Variants in MECOM observed in about 807,000 individuals in gnomAD.
MECOM encodes histone-lysine N-methyltransferase MECOM.
A neutral mutation model predicts 116.3 loss-of-function variants in MECOM; 13 were observed. The ratio of observed to expected loss-of-function variants is 0.11; its 90% confidence interval spans 0.07 to 0.18. MECOM has a LOEUF of 0.18. Among genes scored for constraint, MECOM ranks in the 10% least tolerant of loss-of-function variants. The pLI is 1.00. For missense variants in MECOM, 1,299 were observed against 1,509.0 expected, an observed-to-expected ratio of 0.86 and a Z score of 2.31; for synonymous variants, 528 against 535.2, an observed-to-expected ratio of 0.99 and a Z score of 0.19.
At chr3:169,441,740 TTTTTAAAAAA>T (rs1743723893) in intron 1 of MECOM, among the ~76,000 whole-genome samples, 1 of 143,954 alleles carries the variant, frequency 6.9e-6, no homozygotes, top group Admixed American at 7.0e-5. Context: ...TTTTTTTTTT[TTTTTAAAAAA>T]GGGGGGGTCT....
chr3:169,499,011 G>A (rs570908062), intron 1 of MECOM, among the ~76,000 whole-genome samples: 4 of 151,914 alleles, frequency 2.6e-5, no homozygotes, highest in Admixed American at 6.6e-5. Flanking sequence ...TTAATTTTAC[G>A]AAGAAACAAT....
At chr3:169,486,238 A>T (rs1752372354) in intron 1 of MECOM, among the ~76,000 whole-genome samples, 1 of 151,760 alleles carries the variant, frequency 6.6e-6, no homozygotes, top group South Asian at 2.1e-4. Flanking sequence ...CACAATGCCT[A>T]AGTTGAGTCT....
At position 169,100,880 on chromosome 3, in the gene MECOM, C is replaced by T. The variant is rs1309634903; in HGVS notation, c.2849+5G>A. On this transcript the variant is annotated splice_donor_5th_base_variant and intron_variant, in intron 12 of 16. Coordinates refer to ENST00000651503, the MANE Select transcript of MECOM (RefSeq NM_004991.4). The stretch of plus-strand genomic sequence containing the variant: ...CAAGATATTTAGCAAATATCATTGT[C>T]AGACCTGTAAGGCTGCTCTCCTGTG... 6.6e-7 allele frequency: 1 copy of T among 1,523,950 alleles called. No homozygotes were observed. Among genetic ancestry groups the T allele is most frequent in the Admixed American group, 1.7e-5 (1 of 57,314 alleles). 94.4% of individuals were successfully genotyped at this position (1,523,950 alleles called of 1,614,324 possible). A position where few individuals can be genotyped will look rare whatever the true frequency, so the allele number is the denominator to read the frequency against.
chr3:169,393,395 A>G (rs975448939), intron 1 of MECOM, among the ~76,000 whole-genome samples: 3 of 152,124 alleles, frequency 2.0e-5, no homozygotes, highest in Admixed American at 2.0e-4. Flanking sequence ...ATTTCTACCT[A>G]TGTATACAAT....
intron 2 of MECOM, among the ~76,000 whole-genome samples, chr3:169,242,262 A>G (rs1754958204): frequency 6.6e-6 from 1 of 152,200 alleles, no homozygotes; most frequent in East Asian, 1.9e-4. Flanking sequence ...CTGACTCTCA[A>G]TCCTGAGAGT....
chr3:169,648,969 G>A (rs1407326604), intron 1 of MECOM, among the ~76,000 whole-genome samples: 1 of 152,122 alleles, frequency 6.6e-6, no homozygotes, highest in East Asian at 1.9e-4. Context: ...AACTGTGATG[G>A]GAAAGTTTGC....
intron 1 of MECOM, among the ~76,000 whole-genome samples, chr3:169,443,341 T>C (rs1232076908): frequency 3.3e-5 from 5 of 152,088 alleles, no homozygotes; most frequent in Admixed American, 1.3e-4. Context: ...TTGTGGTGTT[T>C]AAGGCGCTGC....
At chr3:169,557,274 C>G (rs1291257127) in intron 1 of MECOM, among the ~76,000 whole-genome samples, 2 of 152,092 alleles carry the variant, frequency 1.3e-5, no homozygotes, top group African/African-American at 4.8e-5. Flanking sequence ...TTTAAGGCCA[C>G]TAAAAACTGA....
rs532361282 is a variant in MECOM, at chr3:169,246,550, A to G, written c.376-102718T>C. On this transcript the variant is annotated intron_variant, in intron 2 of 16. Coordinates refer to ENST00000651503, the MANE Select transcript of MECOM (RefSeq NM_004991.4). ...CACTTTTTTTTTTTTTTTTTTTGAGACGGAGTCTCACTATGTCACCCAGGC... is the reference window on the plus strand; with the variant it reads ...CACTTTTTTTTTTTTTTTTTTTGAGGCGGAGTCTCACTATGTCACCCAGGC... 1.5e-3 allele frequency among the ~76,000 whole-genome samples: 201 copies of G among 132,998 alleles called. 1 individual carries two copies. The highest frequency in any genetic ancestry group is 5.5e-3 in the African/African-American group (189 of 34,616). 87.3% of individuals were successfully genotyped at this position (132,998 alleles called of 152,430 possible).
intron 1 of MECOM, among the ~76,000 whole-genome samples, chr3:169,652,669 G>A (rs1202735772): frequency 1.3e-5 from 2 of 152,166 alleles, no homozygotes; most frequent in Non-Finnish European, 2.9e-5. Context: ...GAACAGAGTT[G>A]AGTGAGTTGG....
In MECOM at chr3:169,391,428, T is replaced by G. The variant is rs556932020; in HGVS notation, c.38-9904A>C. Among the ~76,000 whole-genome samples, 4 of 152,266 alleles carry G rather than the reference T, an allele frequency of 2.6e-5. No homozygotes were observed. In the South Asian group the frequency reaches 8.3e-4, roughly 32 times the overall value. On this transcript the variant is annotated intron_variant, in intron 1 of 16. Transcript: ENST00000651503. The stretch of plus-strand genomic sequence containing the variant: ...AGTGTTAAACAAGTTTAGATGTTGC[T>G]AAGGAGTGCAATTTTCTGCCCCCAT...
intron 2 of MECOM, among the ~76,000 whole-genome samples, chr3:169,322,806 T>C (rs142666853): frequency 0.013 from 2,017 of 151,966 alleles, 12 homozygotes; most frequent in Middle Eastern, 0.027. Flanking sequence ...AAGACCAGCC[T>C]GGCCAACATG....
chr3:169,248,447 A>C (rs1039234939), intron 2 of MECOM, among the ~76,000 whole-genome samples: 2 of 152,214 alleles, frequency 1.3e-5, no homozygotes, highest in Non-Finnish European at 2.9e-5. Context: ...TCTTAGTCTA[A>C]GTCTCTATAC....
At chr3:169,523,073 G>T (rs933275176) in intron 1 of MECOM, among the ~76,000 whole-genome samples, 1 of 152,156 alleles carries the variant, frequency 6.6e-6, no homozygotes, top group Non-Finnish European at 1.5e-5. Context: ...ATTAAGGTCA[G>T]CCCAGTGGAG....
chr3:169,610,703 T>G (rs1298279980), intron 1 of MECOM, among the ~76,000 whole-genome samples: 2 of 152,214 alleles, frequency 1.3e-5, no homozygotes, highest in Non-Finnish European at 2.9e-5. Context: ...CAAAGCTTCT[T>G]TCTGCCTTTC....
At chr3:169,454,609 G>C (rs1286848524) in intron 1 of MECOM, among the ~76,000 whole-genome samples, 2 of 151,918 alleles carry the variant, frequency 1.3e-5, no homozygotes, top group Non-Finnish European at 2.9e-5. Flanking sequence ...TTACACTAAA[G>C]TTCATGATCT....
At chr3:169,189,883 GC>G (rs1175143688) in intron 2 of MECOM, among the ~76,000 whole-genome samples, 1 of 151,972 alleles carries the variant, frequency 6.6e-6, no homozygotes, top group Non-Finnish European at 1.5e-5. Context: ...TAAATTTAGA[GC>G]CTCTTCTGCA....
At chr3:169,395,794 A>G (rs1279009145) in intron 1 of MECOM, among the ~76,000 whole-genome samples, 26 of 152,248 alleles carry the variant, frequency 1.7e-4, no homozygotes. Context: ...AGCACCTGCC[A>G]TGAACTAGCC....
chr3:169,282,334 T>TG (rs1712243435), intron 2 of MECOM, among the ~76,000 whole-genome samples: 1 of 152,130 alleles, frequency 6.6e-6, no homozygotes, highest in Non-Finnish European at 1.5e-5. Flanking sequence ...GCCCATGAAG[T>TG]GCGATTTGAG....
Sources: gnomAD v4.1 joint callset for allele counts (sites outside exome capture counted in the v4.1 genomes callset) on GRCh38, gnomAD v4.1.1 for gene constraint, MANE v1.5 for transcripts, NCBI Gene and HGNC (gene_info 2026-07-23, HGNC 2026-07-21) for gene names.